The following MAGI3 variants were observed in gnomAD, a reference collection of about 807,000 sequenced individuals.
The protein encoded by MAGI3 is membrane associated guanylate kinase, WW and PDZ domain containing 3, also known as membrane-associated guanylate kinase, WW and PDZ domain-containing protein 3.
Under a neutral mutation model 121.8 loss-of-function variants are expected in MAGI3, and 43 were observed. The observed-to-expected ratio is 0.35, with a 90% CI of 0.28 to 0.46. MAGI3 has a LOEUF of 0.46. MAGI3 is among the 20% of genes least tolerant of loss of function. MAGI3 has a pLI of 1.00. For synonymous variants in MAGI3, 553 were observed against 639.3 expected (o/e 0.86, Z 2.04); for missense variants, 1,547 against 1,797.3 (o/e 0.86, Z 2.52).
chr1:113,574,505 G>A (rs1647499441), intron 2 of MAGI3, among the ~76,000 whole-genome samples: 1 of 152,150 alleles, frequency 6.6e-6, no homozygotes, highest in Non-Finnish European at 1.5e-5. Flanking sequence ...TAAGAATGTT[G>A]AATATTGGTC....
chr1:113,543,073 A>C (rs1659365051), intron 1 of MAGI3, among the ~76,000 whole-genome samples: 1 of 151,862 alleles, frequency 6.6e-6, no homozygotes, highest in Non-Finnish European at 1.5e-5. Flanking sequence ...AATGATAATA[A>C]TTCTAAAATA....
intron 1 of MAGI3, among the ~76,000 whole-genome samples, chr1:113,396,580 C>T (rs2101276408): frequency 6.6e-6 from 1 of 152,164 alleles, no homozygotes; most frequent in East Asian, 1.9e-4. Flanking sequence ...AACAAAATAT[C>T]TTGCTAATAT....
intron 1 of MAGI3, among the ~76,000 whole-genome samples, chr1:113,396,660 A>G (rs941789891): frequency 6.6e-6 from 1 of 152,180 alleles, no homozygotes; most frequent in Non-Finnish European, 1.5e-5. Context: ...TTTAATACAG[A>G]AAAAATAAGA....
intron 1 of MAGI3, among the ~76,000 whole-genome samples, chr1:113,485,633 T>G (rs1284929195): frequency 6.6e-6 from 1 of 152,220 alleles, no homozygotes; most frequent in Non-Finnish European, 1.5e-5. Context: ...CTCTGCTGAT[T>G]ATTTCTTTTG....
intron 6 of MAGI3, among the ~76,000 whole-genome samples, chr1:113,612,282 G>A (rs1020290838): frequency 1.3e-5 from 2 of 152,078 alleles, no homozygotes; most frequent in Non-Finnish European, 2.9e-5. Flanking sequence ...TTTCCTGATA[G>A]CAATCTTACC....
chr1:113,639,391 GT>G (rs1391419235), intron 9 of MAGI3, among the ~76,000 whole-genome samples: 1 of 152,034 alleles, frequency 6.6e-6, no homozygotes, highest in Non-Finnish European at 1.5e-5. Context: ...CACCTGTTTA[GT>G]TTTTTTGTTT....
intron 9 of MAGI3, among the ~76,000 whole-genome samples, chr1:113,633,888 C>T (rs1425415284): frequency 6.6e-6 from 1 of 152,182 alleles, no homozygotes; most frequent in South Asian, 2.1e-4. Flanking sequence ...CACATCCTCT[C>T]CAGCACCTGT....
intron 1 of MAGI3, among the ~76,000 whole-genome samples, chr1:113,412,704 G>A (rs910701848): frequency 7.3e-5 from 11 of 150,732 alleles, no homozygotes; most frequent in South Asian, 2.1e-4. Flanking sequence ...TCCTCTGCCC[G>A]CTTTTTGGTG....
rs1035749071 is a variant in MAGI3 at position 113,658,453 on chromosome 1, A to T, written c.2630-627A>T. ...AGTTAACATTTAATGTTCCAATTCC[A>T]CTCAGCTTTTCAAATTTTAAAAAGA... On this transcript the variant is annotated intron_variant, in intron 15 of 20. Transcript: ENST00000307546. The surrounding 1 kb of genome is among the most constrained non-coding windows in gnomAD (Gnocchi z 4.0). 6.6e-6 allele frequency among the ~76,000 whole-genome samples: 1 copy of T among 152,186 alleles called. No homozygotes were observed. Among genetic ancestry groups the T allele is most frequent in the African/African-American group, 2.4e-5 (1 of 41,454 alleles).
At chr1:113,453,563 T>C (rs916333541) in intron 1 of MAGI3, among the ~76,000 whole-genome samples, 8 of 152,176 alleles carry the variant, frequency 5.3e-5, no homozygotes, top group African/African-American at 1.9e-4. Context: ...TGAACATAAC[T>C]TGGTAAAACA....
intron 1 of MAGI3, among the ~76,000 whole-genome samples, chr1:113,443,141 T>A (rs1654002788): frequency 6.6e-6 from 1 of 152,206 alleles, no homozygotes. Context: ...TTAGTAGGAA[T>A]AATAACATTA....
intron 1 of MAGI3, among the ~76,000 whole-genome samples, chr1:113,485,404 G>A (rs1219420822): frequency 6.6e-6 from 1 of 152,158 alleles, no homozygotes; most frequent in Non-Finnish European, 1.5e-5. Context: ...TTTCCCTGAT[G>A]CTTAGTGATG....
chr1:113,639,412 T>C (rs2101817683), intron 9 of MAGI3, among the ~76,000 whole-genome samples: 2 of 152,326 alleles, frequency 1.3e-5, no homozygotes, highest in Middle Eastern at 6.8e-3. Context: ...TGTTTGTTCG[T>C]TTGTTTGAGA....
chr1:113,526,927 G>A (rs112255102), intron 1 of MAGI3, among the ~76,000 whole-genome samples: 21 of 152,292 alleles, frequency 1.4e-4, no homozygotes, highest in African/African-American at 4.6e-4. Flanking sequence ...TCACTTAGTA[G>A]CTTTGTAAAT....
chr1:113,682,078 C>A, intron 20 of MAGI3: 2 of 1,084,864 alleles, frequency 1.8e-6, no homozygotes, highest in Non-Finnish European at 1.3e-6. Flanking sequence ...ACCCTTCCAG[C>A]TTATGATTCT....
intron 1 of MAGI3, among the ~76,000 whole-genome samples, chr1:113,491,850 C>CA (rs1401969985): frequency 6.6e-6 from 1 of 152,108 alleles, no homozygotes; most frequent in Non-Finnish European, 1.5e-5. Flanking sequence ...AGACAAATAA[C>CA]AAGCTCTGAA....
At chr1:113,657,515 G>A (rs1406362097) in intron 15 of MAGI3, among the ~76,000 whole-genome samples, 4 of 152,184 alleles carry the variant, frequency 2.6e-5, no homozygotes, top group South Asian at 2.1e-4. Flanking sequence ...TCTATTTAAT[G>A]CTTTCCCAAG....
intron 15 of MAGI3, among the ~76,000 whole-genome samples, chr1:113,657,811 C>A (rs2100995178): frequency 6.6e-6 from 1 of 152,278 alleles, no homozygotes; most frequent in South Asian, 2.1e-4. Flanking sequence ...AAGTGCTTGA[C>A]ATAATTCAGA....
chr1:113,670,561 A>C (rs1012555595), intron 16 of MAGI3, among the ~76,000 whole-genome samples: 1 of 152,230 alleles, frequency 6.6e-6, no homozygotes, highest in Non-Finnish European at 1.5e-5. Context: ...TAACATTTTT[A>C]TAAAGCAAGG....
Sources: gnomAD v4.1 joint callset for allele counts (sites outside exome capture counted in the v4.1 genomes callset) on GRCh38, gnomAD v4.1.1 for gene constraint, Gnocchi (gnomAD v3.1) non-coding constraint, MANE v1.5 for transcripts, NCBI Gene and HGNC (gene_info 2026-07-23, HGNC 2026-07-21) for gene names.